The following NEGR1 variants were observed in gnomAD, a reference collection of about 807,000 sequenced individuals.
NEGR1 encodes neuronal growth regulator 1.
NEGR1 carries 10 observed loss-of-function variants against 40.9 expected under a neutral mutation model. The observed-to-expected ratio is 0.24, with a 90% CI of 0.15 to 0.42. NEGR1 has a LOEUF of 0.42. Among genes scored for constraint, NEGR1 ranks in the 10% least tolerant of loss-of-function variants. The pLI is 1.00. For missense variants in NEGR1, 352 were observed against 438.9 expected, an observed-to-expected ratio of 0.80 and a Z score of 1.77; for synonymous variants, 185 against 166.8, an observed-to-expected ratio of 1.11 and a Z score of -0.84.
intron 1 of NEGR1, among the ~76,000 whole-genome samples, chr1:72,032,225 C>A (rs1646864379): frequency 6.6e-6 from 1 of 152,120 alleles, no homozygotes; most frequent in African/African-American, 2.4e-5. Context: ...CACCTAGATT[C>A]TGTGAGGGAT....
intron 1 of NEGR1, among the ~76,000 whole-genome samples, chr1:72,004,854 A>G (rs1007382065): frequency 6.6e-6 from 1 of 152,178 alleles, no homozygotes; most frequent in Non-Finnish European, 1.5e-5. Flanking sequence ...AAAACTCACA[A>G]TGTTTGAAAA....
rs1214474550 is a variant in NEGR1, at chr1:72,024,798, C to T, written c.177-89487G>A. On this transcript the variant is annotated intron_variant, in intron 1 of 6. Coordinates refer to ENST00000357731, the MANE Select transcript of NEGR1 (RefSeq NM_173808.3). ...TTGTGAAACGTGAGAATGCTTCAAG[C>T]TCCCTAAACCTGACGATTACAAATC... 2.0e-5 allele frequency among the ~76,000 whole-genome samples: 3 copies of T among 152,308 alleles called. No homozygotes were observed. The East Asian group carries it at 5.8e-4, about 29-fold the overall frequency.
In NEGR1 at chr1:71,664,820, A is replaced by G. The variant is rs561319314; in HGVS notation, c.667+33188T>C. Among the ~76,000 whole-genome samples, 7 of 152,234 alleles carry G rather than the reference A, an allele frequency of 4.6e-5. 1 individual carries two copies. In the South Asian group the frequency reaches 1.2e-3, roughly 27 times the overall value. ...ACACCCTTTTCCCCTTGATCTGTTT[A>G]AGTTGATCCTACTATTGCAGCAGAA... On this transcript the variant is annotated intron_variant, in intron 4 of 6. Transcript: ENST00000357731.
chr1:71,882,374 T>C (rs1166909750), intron 2 of NEGR1, among the ~76,000 whole-genome samples: 3 of 152,102 alleles, frequency 2.0e-5, no homozygotes, highest in Non-Finnish European at 4.4e-5. Context: ...TTTTATAGCA[T>C]CTTAGGGAGT....
chr1:72,000,615 T>C (rs561286242), intron 1 of NEGR1, among the ~76,000 whole-genome samples: 1 of 152,312 alleles, frequency 6.6e-6, no homozygotes, highest in Non-Finnish European at 1.5e-5. Context: ...ATACATTCAC[T>C]TTCATCACGT....
chr1:72,162,328 G>A (rs1651599613), intron 1 of NEGR1, among the ~76,000 whole-genome samples: 1 of 48,986 alleles, frequency 2.0e-5, no homozygotes, highest in Admixed American at 2.1e-4. Flanking sequence ...AGCTGGGTGT[G>A]GTGATAGGTG....
rs1335517357 is a variant in NEGR1, at chr1:71,693,037, A to G, written c.667+4971T>C. Among the ~76,000 whole-genome samples the G allele has an allele frequency of 9.9e-5, 15 of 151,698 alleles. No individual in the cohort carries two copies. In the Admixed American group the frequency reaches 9.9e-4, roughly 10 times the overall value. On this transcript the variant is annotated intron_variant, in intron 4 of 6. Coordinates refer to ENST00000357731, the MANE Select transcript of NEGR1 (RefSeq NM_173808.3). ...CTGGTTGGCTCTTTGTTTTTTTCCA[A>G]TTAGCAGCTCTTTTTACTCACATCT...
At chr1:72,037,942 T>C (rs939376091) in intron 1 of NEGR1, among the ~76,000 whole-genome samples, 1 of 152,106 alleles carries the variant, frequency 6.6e-6, no homozygotes, top group South Asian at 2.1e-4. Flanking sequence ...TGCCACCTGC[T>C]GGTGGTATTC....
chr1:71,853,241 G>C (rs1374795376), intron 2 of NEGR1, among the ~76,000 whole-genome samples: 1 of 151,928 alleles, frequency 6.6e-6, no homozygotes, highest in East Asian at 1.9e-4. Context: ...GAGAATGTTG[G>C]TATATTTTTA....
chr1:72,093,341 A>AAAAAAAAAAAAAAAG (rs1179635064), intron 1 of NEGR1, among the ~76,000 whole-genome samples: 22 of 151,414 alleles, frequency 1.5e-4, no homozygotes, highest in African/African-American at 5.1e-4. Context: ...AAAAAAAAAA[A>AAAAAAAAAAAAAAAG]AAGATGCTCA....
intron 6 of NEGR1, among the ~76,000 whole-genome samples, chr1:71,554,617 T>C (rs1206436969): frequency 6.6e-6 from 1 of 151,528 alleles, no homozygotes; most frequent in African/African-American, 2.4e-5. Context: ...CAAGATAGAA[T>C]ATTAAGTTTC....
chr1:72,168,402 C>G (rs1235819451), intron 1 of NEGR1, among the ~76,000 whole-genome samples: 1 of 151,864 alleles, frequency 6.6e-6, no homozygotes, highest in African/African-American at 2.4e-5. Flanking sequence ...CTTCCTATTC[C>G]TCTTTTGCCT....
intron 1 of NEGR1, among the ~76,000 whole-genome samples, chr1:72,168,004 TA>T (rs1161102782): frequency 2.6e-4 from 3 of 11,684 alleles, no homozygotes; most frequent in Non-Finnish European, 5.0e-4. Flanking sequence ...TTATTATTAT[TA>T]TTTTTTTTTT....
At chr1:72,102,861 G>A (rs1648996793) in intron 1 of NEGR1, among the ~76,000 whole-genome samples, 1 of 151,986 alleles carries the variant, frequency 6.6e-6, no homozygotes, top group South Asian at 2.1e-4. Flanking sequence ...AAATATTTAA[G>A]AGGCAAGCAA....
intron 1 of NEGR1, among the ~76,000 whole-genome samples, chr1:72,268,850 T>C (rs889630056): frequency 6.6e-6 from 1 of 150,972 alleles, no homozygotes; most frequent in Non-Finnish European, 1.5e-5. Context: ...AATGGAAGGG[T>C]TTAAGAACGC....
At chr1:71,939,698 G>A (rs895454786) in intron 1 of NEGR1, among the ~76,000 whole-genome samples, 1 of 152,058 alleles carries the variant, frequency 6.6e-6, no homozygotes, top group African/African-American at 2.4e-5. Context: ...GGGGTGGGCA[G>A]AGTGCCGGTG....
intron 6 of NEGR1, among the ~76,000 whole-genome samples, chr1:71,483,486 A>G (rs1373782626): frequency 2.6e-5 from 4 of 151,828 alleles, no homozygotes; most frequent in African/African-American, 9.7e-5. Flanking sequence ...TTAAGCTACA[A>G]TGACTGAACT....
intron 2 of NEGR1, among the ~76,000 whole-genome samples, chr1:71,856,213 T>A (rs1054749418): frequency 3.9e-5 from 6 of 152,046 alleles, no homozygotes; most frequent in African/African-American, 1.4e-4. Context: ...TCCAAGTAAG[T>A]GCCCTACCAG....
At chr1:71,879,444 C>T (rs1423052240) in intron 2 of NEGR1, among the ~76,000 whole-genome samples, 1 of 152,178 alleles carries the variant, frequency 6.6e-6, no homozygotes, top group African/African-American at 2.4e-5. Context: ...AGCATAGTGG[C>T]TCAAGCCCAG....
Sources: allele counts gnomAD v4.1 joint callset (sites outside exome capture counted in the v4.1 genomes callset), GRCh38; gene constraint gnomAD v4.1.1; transcripts MANE v1.5; gene names NCBI Gene and HGNC (gene_info 2026-07-23, HGNC 2026-07-21).